The following RECQL4 variants were observed in gnomAD, a reference collection of about 807,000 sequenced individuals.
RECQL4 encodes the protein ATP-dependent DNA helicase Q4.
In RECQL4, 158 loss-of-function variants were observed where a neutral mutation model predicts 128.6. That is an observed-to-expected ratio of 1.23 (90% CI 1.08 to 1.40). RECQL4 has a LOEUF of 1.40. Among genes scored for constraint, RECQL4 ranks in the 40% most tolerant of loss-of-function variants. RECQL4 has a pLI of 0.00. For synonymous variants in RECQL4, 996 were observed against 678.9 expected (o/e 1.47, Z -7.26); for missense variants, 2,293 against 1,649.8 (o/e 1.39, Z -6.75).
rs1827824399 is a variant in RECQL4 at position 144,514,258 on chromosome 8, G to A, written c.1809C>T (p.Cys603=). 2 of 1,612,210 alleles carry A rather than the reference G, an allele frequency of 1.2e-6. No individual in the cohort carries two copies. Among genetic ancestry groups the A allele is most frequent in the Non-Finnish European group, 1.7e-6 (2 of 1,179,668 alleles). The change falls in exon 11 of 21, where the codon TGC becomes TGT. Residue 603 remains cysteine, a synonymous_variant. Transcript: ENST00000617875. ...GGGAGAGGCAGTGGGCCTCATCAATGCAGGCAAAAGCAACTGGAGGCAGCT... is the reference window on the plus strand; with the variant it reads ...GGGAGAGGCAGTGGGCCTCATCAATACAGGCAAAAGCAACTGGAGGCAGCT... ...AAQLPPVAFA[C]IDEAHCLSQW... is the part of the protein sequence containing the mutation.
Position 144,517,832 on chromosome 8 carries a change from C to G in RECQL4, c.-48G>C. On this transcript the variant is annotated 5_prime_UTR_variant, in exon 1 of 21. Transcript: ENST00000617875. ...CCGCGCTTGCGATCGTCCAGCGAAT[C>G]TCCCGCGCAGCCGTCGCGGGGGCCG... 8.5e-7 allele frequency: 1 copy of G among 1,176,200 alleles called. No homozygotes were observed. The highest frequency in any genetic ancestry group is 1.1e-6 in the Non-Finnish European group (1 of 952,166). The allele number at this position is 1,176,200 out of a possible 1,614,324, so 72.9% of individuals were successfully genotyped here.
chr8:144,515,673 C>G, intron 6 of RECQL4, 91 bp downstream of exon 6: 2 of 1,524,924 alleles, frequency 1.3e-6, no homozygotes, highest in Non-Finnish European at 1.8e-6. Context: ...ACCTGGAAGG[C>G]CTGTTGCTTG....
At position 144,511,506 on chromosome 8, in the gene RECQL4, C is replaced by T. The variant is rs1564786587; in HGVS notation, c.3552G>A (p.Trp1184Ter). 6 of 1,612,494 alleles carry T rather than the reference C, an allele frequency of 3.7e-6. No individual in the cohort carries two copies. The highest frequency in any genetic ancestry group is 5.1e-6 in the Non-Finnish European group (6 of 1,179,822). The change falls in exon 21 of 21, where the codon TGG becomes TGA. Residue 1184 changes from tryptophan (W) to a stop codon, truncating the protein, a stop_gained. Transcript: ENST00000617875. LOFTEE classifies it high-confidence loss of function. Reference sequence around the variant, plus strand: ...GGAAGCTCAGGTGCAGGTATTTTCTCCAGAAGCGTCGGTCCTGCCCGTACA... The same window carrying T: ...GGAAGCTCAGGTGCAGGTATTTTCTTCAGAAGCGTCGGTCCTGCCCGTACA... ...AQVYGQDRRF[W>*]RKYLHLSFHA...
rs61755066 is a variant in RECQL4, at chr8:144,511,748, C to G, written c.3435G>C (p.Gln1145His). 3.3e-3 allele frequency: 5,320 copies of G among 1,612,612 alleles called. 14 individuals carry two copies. Among genetic ancestry groups the G allele is most frequent in the Non-Finnish European group, 3.8e-3 (4,512 of 1,179,822 alleles). ...TCTCCTCTGGCCTCAGGGACAGGAA[C>G]TGGCGGATGTCGCAGCGGACCTGGT... ...WEDQVRCDIR[Q>H]FLSLRPEEKF... The change falls in exon 20 of 21, where the codon CAG becomes CAC. Residue 1145 changes from glutamine to histidine, a missense_variant. By Grantham distance (24) the Gln-to-His change is conservative. Coordinates refer to ENST00000617875, the MANE Select transcript of RECQL4 (RefSeq NM_004260.4).
chr8:144,514,892 T>C (rs755661914), intron 9 of RECQL4, 44 bp downstream of exon 9: 1 of 1,601,720 alleles, frequency 6.2e-7, no homozygotes, highest in Admixed American at 1.7e-5. Flanking sequence ...TCACAAGTGC[T>C]GGTTCTTGGC....
chr8:144,511,716 G>A lies in RECQL4; in HGVS notation c.3467C>T (p.Ser1156Phe), dbSNP rs373652049. 1.3e-5 allele frequency: 21 copies of A among 1,612,546 alleles called. No homozygotes were observed. Among genetic ancestry groups the A allele is most frequent in the Non-Finnish European group, 1.7e-5 (20 of 1,179,812 alleles). Residue 1156 changes from serine (S) to phenylalanine (F), a missense_variant, in exon 20 of 21, where the codon TCC becomes TTC. Coordinates refer to ENST00000617875, the MANE Select transcript of RECQL4 (RefSeq NM_004260.4). ...FLSLRPEEKF[S>F]SRAVARIFHG... is the part of the protein sequence containing the mutation. ...GAAGATGCGGGCCACAGCCCTGCTG[G>A]AGAACTTCTCCTCTGGCCTCAGGGA...
rs200114521 is a variant in RECQL4, at chr8:144,513,058, G to C, written c.2544C>G (p.Arg848=). 2 of 1,579,904 alleles carry C rather than the reference G, an allele frequency of 1.3e-6. No homozygotes were observed. The highest frequency in any genetic ancestry group is 1.7e-6 in the Non-Finnish European group (2 of 1,163,840). Residue 848 remains arginine, a synonymous_variant, in exon 15 of 21, where the codon CGC becomes CGG. Transcript: ENST00000617875. The part of the protein sequence containing the change: ...DFLAVKRLVQ[R]VFPACTCTCT... ...AGGTGCAGGTGCAGGCTGGGAACAC[G>C]CGCTGTACCAGCCTCTTCACAGCCA...
At position 144,515,822 on chromosome 8, in the gene RECQL4, C is replaced by G. The variant is rs2130712891; in HGVS notation, c.1200G>C (p.Lys400Asn). The G allele has an allele frequency of 6.2e-7, 1 of 1,612,912 alleles. No individual in the cohort carries two copies. The highest frequency in any genetic ancestry group is 1.1e-5 in the South Asian group (1 of 91,044). The change falls in exon 6 of 21, where the codon AAG becomes AAC. Residue 400 changes from lysine (K) to asparagine (N), a missense_variant. Coordinates refer to ENST00000617875, the MANE Select transcript of RECQL4 (RefSeq NM_004260.4). Reference protein sequence around the residue: ...FGGGGATVTTKESCFLNEQFD... With the variant: ...FGGGGATVTTNESCFLNEQFD... Reference sequence around the variant, plus strand: ...ACTGCTCGTTCAGGAAACAAGACTCCTTGGTTGTGACTGTGGCACCACCAC... The same window carrying G: ...ACTGCTCGTTCAGGAAACAAGACTCGTTGGTTGTGACTGTGGCACCACCAC...
rs960379510 is a variant in RECQL4 at position 144,517,721 on chromosome 8, G to A, written c.64C>T (p.Arg22Cys). 7 of 1,355,206 alleles carry A rather than the reference G, an allele frequency of 5.2e-6. No homozygotes were observed. The South Asian group carries it at 5.2e-5, about 10-fold the overall frequency. 83.9% of individuals were successfully genotyped at this position (1,355,206 alleles called of 1,614,324 possible). A position where few individuals can be genotyped will look rare whatever the true frequency, so the allele number is the denominator to read the frequency against. ...QAWERAFRRQ[R>C]GRRPSQDDVE... ...CGCACCTGGCTCGGTCGCCGCCCGC[G>A]CTGCCGTCGGAACGCGCGCTCCCAC... The change falls in exon 1 of 21, where the codon CGC (arginine) becomes TGC (cysteine). Residue 22 changes from arginine to cysteine, a missense_variant. Transcript: ENST00000617875.
Position 144,515,409 on chromosome 8 carries a change from G to T in RECQL4, c.1307C>A (p.Ser436Ter). 6.2e-7 allele frequency: 1 copy of T among 1,612,828 alleles called. No homozygotes were observed. ...GGGCACCTCAGGTACAGGTTGTGGT[G>T]AAGGAACCAGTGGCTCAGGCCCAAC... ...DAVGPEPLVP[S>*]PQPVPEVPSL... The change falls in exon 7 of 21, where the codon TCA becomes TAA. Residue 436 changes from serine to a stop codon, truncating the protein, a stop_gained. Transcript: ENST00000617875. LOFTEE classifies it high-confidence loss of function.
At position 144,516,411 on chromosome 8, in the gene RECQL4, G is replaced by A. The variant is rs1586824439; in HGVS notation, c.708C>T (p.Gly236=). The A allele has an allele frequency of 6.2e-7, 1 of 1,609,308 alleles. No individual in the cohort carries two copies. The highest frequency in any genetic ancestry group is 8.5e-7 in the Non-Finnish European group (1 of 1,179,656). Residue 236 remains glycine (G), a synonymous_variant, in exon 5 of 21, where the codon GGC becomes GGT. Transcript: ENST00000617875. The part of the protein sequence containing the change: ...AVLGPGAGSQ[G]PEASAFQEVS... ...CTTCTTGGAAGGCTGAAGCCTCTGG[G>A]CCCTGGGAGCCAGCACCAGGACCAA...
chr8:144,516,645 C>A lies in RECQL4; in HGVS notation c.474G>T (p.Glu158Asp). The A allele has an allele frequency of 3.7e-6, 6 of 1,606,566 alleles. No homozygotes were observed. The highest frequency in any genetic ancestry group is 5.1e-6 in the Non-Finnish European group (6 of 1,176,598). The change falls in exon 5 of 21, where the codon GAG becomes GAT. Residue 158 changes from glutamate (E) to aspartate (D), a missense_variant. Transcript: ENST00000617875. ...GCTGGGGCTCAGGGAGCTGTGGAGG[C>A]TCATCACTGACTTTTTCTGCAAAGG... ...VPSFAEKVSDEPPQLPEPQPR... is the reference protein window; with the variant it reads ...VPSFAEKVSDDPPQLPEPQPR...
rs1008911481 is a variant in RECQL4, at chr8:144,517,652, T to A, written c.85-17A>T. On this transcript the variant is annotated splice_polypyrimidine_tract_variant and intron_variant, in intron 1 of 20. Coordinates refer to ENST00000617875, the MANE Select transcript of RECQL4 (RefSeq NM_004260.4). ...CACGTCGTCCTGTAAAGGGAACGCG[T>A]CAGCCGCGGGCCGCGCCCTCAGCCC... The A allele has an allele frequency of 2.7e-5, 40 of 1,475,264 alleles. No homozygotes were observed. Among genetic ancestry groups the A allele is most frequent in the Non-Finnish European group, 3.3e-5 (37 of 1,120,544 alleles). 91.4% of individuals were successfully genotyped at this position (1,475,264 alleles called of 1,614,324 possible).
At position 144,513,632 on chromosome 8, in the gene RECQL4, T is replaced by G; in HGVS notation, c.2139A>C (p.Thr713=). The G allele has an allele frequency of 6.3e-7, 1 of 1,597,624 alleles. No homozygotes were observed. The part of the protein sequence containing the change: ...IIIYCNRRED[T]ERIAALLRTC... The stretch of plus-strand genomic sequence containing the variant: ...TTCGGAGGAGCGCAGCGATCCGCTC[T>G]GTGTCCTCGCGCCGGTTGCAGTAAA... Residue 713 remains threonine (T), a synonymous_variant, in exon 13 of 21, where the codon ACA becomes ACC. Transcript: ENST00000617875.
intron 6 of RECQL4, 107 bp downstream of exon 6, chr8:144,515,656 CA>C (rs1828050941): frequency 2.7e-6 from 4 of 1,487,912 alleles, no homozygotes; most frequent in African/African-American, 2.8e-5. Context: ...GGGCCTGGAC[CA>C]GGGGTACCTG....
chr8:144,512,985 G>T lies in RECQL4; in HGVS notation c.2617C>A (p.Pro873Thr). The change falls in exon 15 of 21, where the codon CCT becomes ACT. Residue 873 changes from proline (P) to threonine (T), a missense_variant. Physicochemically the swap from Pro to Thr is conservative, Grantham distance 38. Transcript: ENST00000617875. ...TCTTGAGGGGGGTACTTGGGCACAGGCCTCTCCCCACCCACGGCCCCTTCC... is the reference window on the plus strand; with the variant it reads ...TCTTGAGGGGGGTACTTGGGCACAGTCCTCTCCCCACCCACGGCCCCTTCC... ...EQEGAVGGER[P>T]VPKYPPQEAE... 1 of 1,570,446 alleles carries T rather than the reference G, an allele frequency of 6.4e-7. No individual in the cohort carries two copies. The highest frequency in any genetic ancestry group is 8.6e-7 in the Non-Finnish European group (1 of 1,158,346).
Position 144,511,294 on chromosome 8 carries a change from CAA to C in RECQL4, c.*135_*136del, listed in dbSNP as rs988016143. The C allele has an allele frequency of 6.5e-7, 1 of 1,539,630 alleles. No homozygotes were observed. The highest frequency in any genetic ancestry group is 8.8e-7 in the Non-Finnish European group (1 of 1,141,298). On this transcript the variant is annotated 3_prime_UTR_variant, in exon 21 of 21. Coordinates refer to ENST00000617875, the MANE Select transcript of RECQL4 (RefSeq NM_004260.4). The stretch of plus-strand genomic sequence containing the variant: ...CATTGGCCAAGAGGGCCCATAAAAA[CAA>C]AGTGAGCATTTTTTATTCTGCATTT...
At position 144,513,253 on chromosome 8, in the gene RECQL4, G is replaced by A. The variant is rs2130676614; in HGVS notation, c.2428C>T (p.Gln810Ter). Reference protein sequence around the residue: ...QAVGRAGRDGQPAHCHLFLQP... With the variant: ...QAVGRAGRDG ...AGGAAGAGGTGGCAGTGGGCAGGCT[G>A]CCCGTCACGCCCGGCCCGGCCCACG... The change falls in exon 14 of 21, where the codon CAG becomes TAG. Residue 810 changes from glutamine to a stop codon, truncating the protein, a stop_gained. Transcript: ENST00000617875. LOFTEE classifies it high-confidence loss of function. 6.3e-7 allele frequency: 1 copy of A among 1,589,776 alleles called. No homozygotes were observed. The highest frequency in any genetic ancestry group is 8.5e-7 in the Non-Finnish European group (1 of 1,173,948).
At position 144,513,991 on chromosome 8, in the gene RECQL4, G is replaced by A. The variant is rs759235313; in HGVS notation, c.1995C>T (p.His665=). 52 of 1,566,938 alleles carry A rather than the reference G, an allele frequency of 3.3e-5. No homozygotes were observed. In the Middle Eastern group the frequency reaches 5.1e-4, roughly 15 times the overall value. The change falls in exon 12 of 21, where the codon CAC becomes CAT. Residue 665 remains histidine (H), a synonymous_variant. Transcript: ENST00000617875. The stretch of plus-strand genomic sequence containing the variant: ...GGTTGGTGGGAACTGGGGCTGGCCC[G>A]TGGAGGTCAGGCTCTTCAGCCACAG... ...HLAVAEEPDL[H]GPAPVPTNLH... is the part of the protein sequence containing the mutation.
Sources: allele counts gnomAD v4.1 joint callset, GRCh38; gene constraint gnomAD v4.1.1; transcripts MANE v1.5; gene names NCBI Gene and HGNC (gene_info 2026-07-23, HGNC 2026-07-21).